The following SCD5 variants were observed in gnomAD, a reference collection of about 807,000 sequenced individuals.
The protein encoded by SCD5 is stearoyl-CoA desaturase 5.
In SCD5, 20 loss-of-function variants were observed where a neutral mutation model predicts 30.4. The ratio of observed to expected loss-of-function variants is 0.66; its 90% CI spans 0.46 to 0.96. The LOEUF (loss-of-function observed/expected upper bound fraction) is 0.96, where lower values mean the gene tolerates loss of function less well. Among genes scored for constraint, SCD5 ranks in the 40% least tolerant of loss-of-function variants. The pLI is 0.00. For synonymous variants in SCD5, 173 were observed against 176.4 expected (o/e 0.98, Z 0.16); for missense variants, 381 against 443.3 (o/e 0.86, Z 1.26).
intron 1 of SCD5, among the ~76,000 whole-genome samples, chr4:82,761,617 A>C (rs950896818): frequency 2.0e-5 from 3 of 151,732 alleles, no homozygotes; most frequent in Admixed American, 2.0e-4. Context: ...TTTAGGGTAC[A>C]TGTGCACATT....
At chr4:82,656,813 T>C (rs1475998700) in intron 3 of SCD5, among the ~76,000 whole-genome samples, 1 of 152,240 alleles carries the variant, frequency 6.6e-6, no homozygotes, top group African/African-American at 2.4e-5. Flanking sequence ...TGAGATGGTA[T>C]CTTATTGTGG....
chr4:82,652,198 A>G (rs1283274350), intron 3 of SCD5, among the ~76,000 whole-genome samples: 2 of 152,202 alleles, frequency 1.3e-5, no homozygotes, highest in Admixed American at 1.3e-4. Context: ...GCGAGGTATA[A>G]AACAGAAGTA....
At chr4:82,766,909 C>T (rs1344930506) in intron 1 of SCD5, among the ~76,000 whole-genome samples, 2 of 152,102 alleles carry the variant, frequency 1.3e-5, no homozygotes, top group Non-Finnish European at 2.9e-5. Context: ...AACTCCTAAC[C>T]TCAGGTGATC....
At chr4:82,772,381 C>T (rs1267377505) in intron 1 of SCD5, among the ~76,000 whole-genome samples, 2 of 152,242 alleles carry the variant, frequency 1.3e-5, no homozygotes, top group Non-Finnish European at 2.9e-5. Flanking sequence ...GCATTTGACC[C>T]AGGTCTGGCC....
chr4:82,705,709 G>A (rs1367981979), intron 1 of SCD5, among the ~76,000 whole-genome samples: 2 of 152,182 alleles, frequency 1.3e-5, no homozygotes. Flanking sequence ...TCACAACCAT[G>A]TCAATGTACA....
At chr4:82,688,516 G>T (rs1038828921) in intron 2 of SCD5, among the ~76,000 whole-genome samples, 1 of 152,074 alleles carries the variant, frequency 6.6e-6, no homozygotes, top group African/African-American at 2.4e-5. Context: ...AACAATGTTG[G>T]GTGCTTTCCC....
At chr4:82,749,873 G>T (rs1721065455) in intron 1 of SCD5, among the ~76,000 whole-genome samples, 1 of 152,196 alleles carries the variant, frequency 6.6e-6, no homozygotes, top group South Asian at 2.1e-4. Context: ...TATTTGAAAT[G>T]ACTGGGCTTT....
At chr4:82,681,672 A>G (rs1328851024) in intron 2 of SCD5, among the ~76,000 whole-genome samples, 2 of 152,262 alleles carry the variant, frequency 1.3e-5, no homozygotes, top group East Asian at 3.9e-4. Flanking sequence ...AAAATATCCA[A>G]TGGGTACTAG....
chr4:82,659,762 T>C (rs978599487), intron 3 of SCD5: 2 of 152,182 alleles, frequency 1.3e-5, no homozygotes, highest in Non-Finnish European at 2.9e-5. Context: ...TGGCCAATTT[T>C]AGAATAAGTG....
chr4:82,797,337 G>C (rs924131277), intron 1 of SCD5, among the ~76,000 whole-genome samples: 1 of 152,206 alleles, frequency 6.6e-6, no homozygotes, highest in Non-Finnish European at 1.5e-5. Flanking sequence ...CAATGCCTGT[G>C]CCTTTTGTCC....
chr4:82,726,102 G>C (rs1720462983), intron 1 of SCD5, among the ~76,000 whole-genome samples: 1 of 152,002 alleles, frequency 6.6e-6, no homozygotes. Context: ...ACAACTTTTT[G>C]CTCCCACCAT....
chr4:82,726,126 C>T (rs764975104), intron 1 of SCD5, among the ~76,000 whole-genome samples: 8 of 152,032 alleles, frequency 5.3e-5, no homozygotes, highest in Admixed American at 1.3e-4. Flanking sequence ...TGTTCCTAAA[C>T]AATAACCTTG....
intron 3 of SCD5, among the ~76,000 whole-genome samples, chr4:82,656,456 G>A (rs1402696802): frequency 6.6e-6 from 1 of 152,162 alleles, no homozygotes; most frequent in African/African-American, 2.4e-5. Context: ...TGGCTGCATA[G>A]TATTCCATGG....
At chr4:82,672,248 A>G (rs1368891847) in intron 3 of SCD5, among the ~76,000 whole-genome samples, 1 of 152,162 alleles carries the variant, frequency 6.6e-6, no homozygotes, top group Non-Finnish European at 1.5e-5. Context: ...AATTTTAAAA[A>G]TAAATGAAAC....
At chr4:82,662,536 T>A (rs552487542) in intron 3 of SCD5, among the ~76,000 whole-genome samples, 1 of 151,680 alleles carries the variant, frequency 6.6e-6, no homozygotes, top group African/African-American at 2.4e-5. Context: ...ACCAAGTTGA[T>A]CATCATACCA....
chr4:82,654,526 G>A (rs1281903013), intron 3 of SCD5, among the ~76,000 whole-genome samples: 2 of 151,558 alleles, frequency 1.3e-5, no homozygotes, highest in Non-Finnish European at 2.9e-5. Flanking sequence ...ATTTTTTTTT[G>A]AAGGCGTGAA....
chr4:82,666,787 C>CTGTT (rs1201228589), intron 3 of SCD5, among the ~76,000 whole-genome samples: 1 of 152,152 alleles, frequency 6.6e-6, no homozygotes, highest in East Asian at 1.9e-4. Context: ...CAAACATATA[C>CTGTT]TGTTCTTCTT....
At chr4:82,642,284 A>G (rs1421367651) in intron 3 of SCD5, among the ~76,000 whole-genome samples, 1 of 152,200 alleles carries the variant, frequency 6.6e-6, no homozygotes, top group East Asian at 1.9e-4. Flanking sequence ...TGATGCCTCT[A>G]GTATAACCTG....
At chr4:82,727,510 C>T (rs573413438) in intron 1 of SCD5, among the ~76,000 whole-genome samples, 1 of 152,274 alleles carries the variant, frequency 6.6e-6, no homozygotes, top group African/African-American at 2.4e-5. Flanking sequence ...CCTTTTGTCT[C>T]CCAGAGACAG....
Sources: gnomAD v4.1 joint callset for allele counts (sites outside exome capture counted in the v4.1 genomes callset) on GRCh38, gnomAD v4.1.1 for gene constraint, MANE v1.5 for transcripts, NCBI Gene and HGNC (gene_info 2026-07-23, HGNC 2026-07-21) for gene names.